SEC13: variants seen among roughly 807,000 people sequenced by gnomAD.
The protein encoded by SEC13 is SEC13 homolog, nuclear pore and COPII component.
A neutral mutation model predicts 49.2 loss-of-function variants in SEC13; 25 were observed. That is an observed-to-expected ratio of 0.51 (90% CI 0.37 to 0.71). SEC13 has a LOEUF of 0.71. Among genes scored for constraint, SEC13 ranks in the 30% least tolerant of loss-of-function variants. The pLI is 0.00. For missense variants in SEC13, 383 were observed against 417.6 expected (o/e 0.92, Z 0.72); for synonymous variants, 148 against 163.9 (o/e 0.90, Z 0.74).
At position 10,301,045 on chromosome 3, in the gene SEC13, T is replaced by G. The variant is rs1700465759; in HGVS notation, c.*216A>C. On this transcript the variant is annotated 3_prime_UTR_variant, in exon 9 of 9. Transcript: ENST00000350697. ...ATAGATTTGAACATCACTTGTAGTT[T>G]CTTCCTCGTAACATGAGTGCTTTCA... 1 of 1,593,384 alleles carries G rather than the reference T, an allele frequency of 6.3e-7. No homozygotes were observed. Among genetic ancestry groups the G allele is most frequent in the African/African-American group, 1.3e-5 (1 of 74,664 alleles).
chr3:10,317,919 G>A (rs1489854490), intron 2 of SEC13, 131 bp downstream of exon 2: 5 of 616,062 alleles, frequency 8.1e-6, no homozygotes, highest in Non-Finnish European at 1.2e-5. Context: ...AGGCTGATAG[G>A]CAACCACTGC....
chr3:10,319,179 G>A (rs1416288950), intron 1 of SEC13: 2 of 1,613,618 alleles, frequency 1.2e-6, no homozygotes, highest in Admixed American at 1.7e-5. Flanking sequence ...AGCCCTGTAG[G>A]TATAAAGTTT....
At chr3:10,304,256 C>G (rs780456056) in intron 7 of SEC13, 84 bp from the exon 8 acceptor site, 1 of 1,413,700 alleles carries the variant, frequency 7.1e-7, no homozygotes, top group Non-Finnish European at 9.9e-7. Flanking sequence ...TAGAGCCACC[C>G]GGCACCTCTC....
intron 7 of SEC13, 37 bp from the exon 8 acceptor site, chr3:10,304,209 A>T (rs769561801): frequency 5.0e-6 from 8 of 1,607,786 alleles, no homozygotes; most frequent in African/African-American, 4.0e-5. Flanking sequence ...AGGTGGAGTC[A>T]AGACTCCTGC....
intron 5 of SEC13, chr3:10,311,616 C>T: frequency 9.2e-7 from 1 of 1,089,064 alleles, no homozygotes. Context: ...AGCTCACATA[C>T]TTTTTAAAAG....
At position 10,312,542 on chromosome 3, in the gene SEC13, G is replaced by A. The variant is rs756229428; in HGVS notation, c.316+37C>T. ...GGGACAGAGTCCTTTTTTACCCAGT[G>A]GTCCCCTTGCCCGCTCTGCTGCCAA... On this transcript the variant is annotated intron_variant, in intron 4 of 8. Transcript: ENST00000350697. 6 of 1,608,072 alleles carry A rather than the reference G, an allele frequency of 3.7e-6. No homozygotes were observed. The South Asian group carries it at 5.5e-5, about 15-fold the overall frequency.
chr3:10,310,857 A>G (rs531862657), intron 5 of SEC13, among the ~76,000 whole-genome samples: 2 of 152,262 alleles, frequency 1.3e-5, no homozygotes, highest in African/African-American at 2.4e-5. Flanking sequence ...TATATTCACA[A>G]TGGAGTATTA....
At chr3:10,319,129 C>T in intron 1 of SEC13, 1 of 1,606,282 alleles carries the variant, frequency 6.2e-7, no homozygotes, top group Non-Finnish European at 8.5e-7. Flanking sequence ...GTGGAACAGA[C>T]ATTTCTTACC....
intron 3 of SEC13, chr3:10,312,975 T>C: frequency 2.2e-6 from 1 of 455,534 alleles, no homozygotes. Flanking sequence ...TGGGTCAGCC[T>C]TCCTGTCCTG....
At chr3:10,314,736 G>A (rs770801099) in intron 3 of SEC13, among the ~76,000 whole-genome samples, 7 of 152,186 alleles carry the variant, frequency 4.6e-5, no homozygotes, top group Non-Finnish European at 1.0e-4. Flanking sequence ...ATCTCAGTAG[G>A]GAGCAGGGCA....
At chr3:10,303,784 A>AC (rs1360108136) in intron 8 of SEC13, 9 of 538,044 alleles carry the variant, frequency 1.7e-5, no homozygotes, top group Non-Finnish European at 2.4e-5. Flanking sequence ...TAGTTTTGGG[A>AC]CCCCCATGCA....
chr3:10,306,057 A>G (rs960275415), intron 5 of SEC13: 5 of 182,272 alleles, frequency 2.7e-5, no homozygotes, highest in Admixed American at 1.1e-4. Context: ...CCCTGTCATT[A>G]TGCCCTTCCT....
chr3:10,301,485 G>T (rs1162899972), intron 8 of SEC13, 111 bp from the exon 9 acceptor site: 3 of 1,380,668 alleles, frequency 2.2e-6, no homozygotes, highest in Non-Finnish European at 3.0e-6. Flanking sequence ...GCTTGTGGGT[G>T]AACAGAGCAT....
Position 10,312,597 on chromosome 3 carries a change from C to T in SEC13, c.298G>A (p.Ala100Thr). The T allele has an allele frequency of 6.2e-7, 1 of 1,614,192 alleles. No homozygotes were observed. Among genetic ancestry groups the T allele is most frequent in the Non-Finnish European group, 8.5e-7 (1 of 1,180,032 alleles). Residue 100 changes from alanine to threonine, a missense_variant, in exon 4 of 9, where the codon GCG (alanine) becomes ACG (threonine). Ala to Thr is a moderately conservative substitution (Grantham distance 58). Transcript: ENST00000350697. ...NGTWEKSHEH[A>T]GHDSSVNSVC... ...AGCATACCTGAGGAGTCGTGTCCCG[C>T]ATGCTCGTGGCTCTTCTCCCAGGTG...
chr3:10,305,766 C>T (rs961242924), intron 5 of SEC13, 74 bp from the exon 6 acceptor site: 1 of 1,546,452 alleles, frequency 6.5e-7, no homozygotes, highest in African/African-American at 1.4e-5. Context: ...CCTGCTGTCC[C>T]TCTCCCCTCC....
chr3:10,302,232 G>T (rs987943713), intron 8 of SEC13, among the ~76,000 whole-genome samples: 1 of 152,028 alleles, frequency 6.6e-6, no homozygotes, highest in Non-Finnish European at 1.5e-5. Flanking sequence ...AGCGAGACTC[G>T]ATCTCAAAAA....
In SEC13 at chr3:10,301,005, T is replaced by A; in HGVS notation, c.*256A>T. ...AATAATGCCTGAACCCAAAGGTACA[T>A]AAAAATGACCCAAAATAGATTTGAA... On this transcript the variant is annotated 3_prime_UTR_variant, in exon 9 of 9. Transcript: ENST00000350697. 1 of 1,444,138 alleles carries A rather than the reference T, an allele frequency of 6.9e-7. No homozygotes were observed. The highest frequency in any genetic ancestry group is 9.5e-7 in the Non-Finnish European group (1 of 1,048,234). The allele number at this position is 1,444,138 out of a possible 1,614,324, so 89.5% of individuals were successfully genotyped here. A position where few individuals can be genotyped will look rare whatever the true frequency, so the allele number is the denominator to read the frequency against.
Position 10,304,011 on chromosome 3 carries a change from G to A in SEC13, c.855+15C>T, listed in dbSNP as rs957467055. 1.2e-6 allele frequency: 2 copies of A among 1,613,718 alleles called. No individual in the cohort carries two copies. The highest frequency in any genetic ancestry group is 1.7e-6 in the Non-Finnish European group (2 of 1,180,004). The stretch of plus-strand genomic sequence containing the variant: ...ACAGGCTGTGTCCACCATGCCACGG[G>A]GAATGGGTATGTACCTTATTGTCTC... On this transcript the variant is annotated intron_variant, in intron 8 of 8. Coordinates refer to ENST00000350697, the MANE Select transcript of SEC13 (RefSeq NM_183352.3).
In SEC13 at chr3:10,304,042, G is replaced by C; in HGVS notation, c.839C>G (p.Ser280Cys). 1 of 1,614,164 alleles carries C rather than the reference G, an allele frequency of 6.2e-7. No individual in the cohort carries two copies. Among genetic ancestry groups the C allele is most frequent in the Non-Finnish European group, 8.5e-7 (1 of 1,180,034 alleles). ...WSITANILAVSGGDNKVTLWK... is the reference protein window; with the variant it reads ...WSITANILAVCGGDNKVTLWK... ...GGTATGTACCTTATTGTCTCCACCA[G>C]AGACAGCCAGGATGTTGGCTGTGAT... The change falls in exon 8 of 9, where the codon TCT becomes TGT. Residue 280 changes from serine to cysteine, a missense_variant. Ser to Cys is a moderately radical substitution (Grantham distance 112). Coordinates refer to ENST00000350697, the MANE Select transcript of SEC13 (RefSeq NM_183352.3).
Sources: gnomAD v4.1 joint callset for allele counts (sites outside exome capture counted in the v4.1 genomes callset) on GRCh38, gnomAD v4.1.1 for gene constraint, MANE v1.5 for transcripts, NCBI Gene and HGNC (gene_info 2026-07-23, HGNC 2026-07-21) for gene names.